Variants in MBP observed in about 807,000 individuals in gnomAD.
The protein encoded by MBP is Golli-MBP.
A neutral mutation model predicts 35.8 loss-of-function variants in MBP; 16 were observed. That is an observed-to-expected ratio of 0.45 (90% CI 0.30 to 0.68). The LOEUF is 0.68. MBP is among the 30% of genes least tolerant of loss of function. The pLI is 0.08. For missense variants in MBP, 380 were observed against 404.7 expected (o/e 0.94, Z 0.52); for synonymous variants, 143 against 159.6 (o/e 0.90, Z 0.78).
intron 4 of MBP, chr18:77,016,022 A>G: frequency 4.1e-6 from 4 of 985,392 alleles, no homozygotes; most frequent in Non-Finnish European, 3.6e-6. Flanking sequence ...CACTCTAAAC[A>G]TCACGTAAAA....
chr18:76,980,381 GTTATA>G lies in MBP; in HGVS notation c.*41_*45del. 1 of 1,569,700 alleles carries G rather than the reference GTTATA, an allele frequency of 6.4e-7. No homozygotes were observed. Among genetic ancestry groups the G allele is most frequent in the Non-Finnish European group, 8.8e-7 (1 of 1,139,616 alleles). ...CAAGTGGGATTAAAGTTTTAAGGCA[GTTATA>G]TTAAGAAGCTGAGGACAGGATTCCG... is the stretch of plus-strand genomic sequence containing the variant. On this transcript the variant is annotated 3_prime_UTR_variant, in exon 9 of 9. Coordinates refer to ENST00000355994, the MANE Select transcript of MBP (RefSeq NM_001025101.2).
chr18:77,084,419 CG>C (rs1568331675), intron 2 of MBP, among the ~76,000 whole-genome samples: 1,130 of 41,918 alleles, frequency 0.027, 89 homozygotes, highest in Middle Eastern at 0.035. Flanking sequence ...CCGCCCCCCC[CG>C]CCACACCACA....
At chr18:77,108,779 GC>G (rs1399128697) in intron 1 of MBP, 1 of 152,246 alleles carries the variant, frequency 6.6e-6, no homozygotes, top group African/African-American at 2.4e-5. Flanking sequence ...AAACTCACTA[GC>G]CTATCTGTGC....
intron 3 of MBP, among the ~76,000 whole-genome samples, chr18:77,056,683 G>A (rs186929485): frequency 6.6e-6 from 1 of 152,238 alleles, no homozygotes; most frequent in South Asian, 2.1e-4. Flanking sequence ...AGTTCAGCTC[G>A]CTCTCTCCTA....
chr18:77,056,368 G>T (rs992438230), intron 3 of MBP, among the ~76,000 whole-genome samples: 2 of 152,184 alleles, frequency 1.3e-5, no homozygotes, highest in Non-Finnish European at 2.9e-5. Context: ...TAGAAAACTT[G>T]CCACTATGAA....
chr18:77,120,605 G>T (rs563078347), intron 1 of MBP, among the ~76,000 whole-genome samples: 1 of 152,324 alleles, frequency 6.6e-6, no homozygotes, highest in East Asian at 1.9e-4. Context: ...TTTACAAAAC[G>T]CATTGTTAGT....
At chr18:77,132,211 G>C (rs150149681) in intron 1 of MBP, among the ~76,000 whole-genome samples, 2,793 of 152,152 alleles carry the variant, frequency 0.018, 91 homozygotes, top group African/African-American at 0.064. Context: ...TGGGACCGCC[G>C]GGCCTGGCTG....
In MBP at chr18:77,127,131, G is replaced by A. The variant is rs190713392; in HGVS notation, c.-26+5449C>T. Among the ~76,000 whole-genome samples the A allele has an allele frequency of 2.0e-5, 3 of 152,338 alleles. No homozygotes were observed. The East Asian group carries it at 5.8e-4, about 29-fold the overall frequency. ...GAAGTCACTCCACCTGATTAAAGTT[G>A]ACTATGCAACTACAGTAATCAAGAC... On this transcript the variant is annotated intron_variant, in intron 1 of 8. Transcript: ENST00000355994.
At chr18:77,097,747 T>TA (rs1204987751) in intron 2 of MBP, among the ~76,000 whole-genome samples, 1 of 152,106 alleles carries the variant, frequency 6.6e-6, no homozygotes, top group Admixed American at 6.5e-5. Context: ...CTCTGCGAGT[T>TA]ACATTTGGAT....
rs377586893 is a variant in MBP, at chr18:77,020,522, C to T, written c.140-3254G>A. Among the ~76,000 whole-genome samples the T allele has an allele frequency of 3.3e-5, 5 of 152,150 alleles. No individual in the cohort carries two copies. Among genetic ancestry groups the T allele is most frequent in the Admixed American group, 6.5e-5 (1 of 15,278 alleles). ...ACTCATTGCAATGAGAGGTGCATGG[C>T]GAAGTCCAGGAACCCCTCCTCAGAG... On this transcript the variant is annotated intron_variant, in intron 3 of 8. Coordinates refer to ENST00000355994, the MANE Select transcript of MBP (RefSeq NM_001025101.2). This position sits in a 1 kb window ranked among gnomAD's most constrained non-coding sequence, Gnocchi z 4.1.
At chr18:77,121,078 C>T (rs1387449218) in intron 1 of MBP, among the ~76,000 whole-genome samples, 1 of 152,152 alleles carries the variant, frequency 6.6e-6, no homozygotes, top group Non-Finnish European at 1.5e-5. Context: ...GTGGGAGGAT[C>T]CCTTGAACCC....
At chr18:76,984,733 C>A (rs762464937) in intron 8 of MBP, 42 bp downstream of exon 8, 2 of 1,613,196 alleles carry the variant, frequency 1.2e-6, no homozygotes, top group Non-Finnish European at 1.7e-6. Flanking sequence ...TTCTGGGAGC[C>A]CTTAGTCCCC....
chr18:77,108,869 A>G (rs1976361594), intron 1 of MBP: 1 of 152,266 alleles, frequency 6.6e-6, no homozygotes, highest in Non-Finnish European at 1.5e-5. Flanking sequence ...TTCTCTAGGT[A>G]GTTCTGACTT....
intron 3 of MBP, among the ~76,000 whole-genome samples, chr18:77,031,927 CAGAT>C (rs1161905936): frequency 2.6e-5 from 4 of 152,230 alleles, no homozygotes; most frequent in African/African-American, 2.4e-5. Context: ...TCCTGTCCAG[CAGAT>C]AGATAGTCTG....
Position 77,124,240 on chromosome 18 carries a change from T to C in MBP, c.-26+8340A>G, listed in dbSNP as rs550865810. On this transcript the variant is annotated intron_variant, in intron 1 of 8. Coordinates refer to ENST00000355994, the MANE Select transcript of MBP (RefSeq NM_001025101.2). Reference sequence around the variant, plus strand: ...TTCTATCTCCTCTTTATTACTTGCCTTTTTATACATTGTATATGTGGTCTC... The same window carrying C: ...TTCTATCTCCTCTTTATTACTTGCCCTTTTATACATTGTATATGTGGTCTC... 3.3e-5 allele frequency among the ~76,000 whole-genome samples: 5 copies of C among 152,362 alleles called. No homozygotes were observed. In the East Asian group the frequency reaches 9.6e-4, roughly 29 times the overall value.
intron 3 of MBP, among the ~76,000 whole-genome samples, chr18:77,029,454 G>GGGGGAGGGGGAT (rs2123598459): frequency 7.9e-6 from 1 of 126,724 alleles, no homozygotes; most frequent in South Asian, 3.1e-4. Flanking sequence ...GGGAGGGGGA[G>GGGGGAGGGGGAT]GGGGAGGGGG....
intron 3 of MBP, among the ~76,000 whole-genome samples, chr18:77,041,806 A>G: frequency 6.7e-6 from 1 of 149,952 alleles, no homozygotes; most frequent in African/African-American, 2.4e-5. Context: ...GAGGGATAGC[A>G]TTAGGAGATA....
chr18:76,985,464 A>G, intron 7 of MBP: 2 of 1,188,512 alleles, frequency 1.7e-6, no homozygotes, highest in East Asian at 1.2e-4. Context: ...CCTTAGTAAA[A>G]TGTCGAGCCT....
intron 4 of MBP, among the ~76,000 whole-genome samples, chr18:77,009,105 G>A (rs3829619): frequency 0.27 from 40,965 of 152,190 alleles, 6,585 homozygotes; most frequent in Admixed American, 0.38. Context: ...CTGGAGGGGG[G>A]CCTGGTGGAT....
Sources: gnomAD v4.1 joint callset for allele counts (sites outside exome capture counted in the v4.1 genomes callset) on GRCh38, gnomAD v4.1.1 for gene constraint, Gnocchi (gnomAD v3.1) non-coding constraint, MANE v1.5 for transcripts, NCBI Gene and HGNC (gene_info 2026-07-23, HGNC 2026-07-21) for gene names.